UNC5A: variants seen among roughly 807,000 people sequenced by gnomAD.
UNC5A encodes the protein unc-5 netrin receptor A, also known as netrin receptor UNC5A.
A neutral mutation model predicts 87.4 loss-of-function variants in UNC5A; 20 were observed. The observed-to-expected ratio is 0.23, with a 90% CI of 0.16 to 0.33. The LOEUF is 0.33. Among genes scored for constraint, UNC5A ranks in the 10% least tolerant of loss-of-function variants. The pLI, the probability that UNC5A is intolerant of heterozygous loss-of-function variation, is 1.00. For synonymous variants in UNC5A, 438 were observed against 482.3 expected, an observed-to-expected ratio of 0.91 and a Z score of 1.20; for missense variants, 844 against 1,133.4, an observed-to-expected ratio of 0.74 and a Z score of 3.67.
chr5:176,834,432 G>C (rs569256479), intron 1 of UNC5A, among the ~76,000 whole-genome samples: 1 of 152,166 alleles, frequency 6.6e-6, no homozygotes, highest in Non-Finnish European at 1.5e-5. Flanking sequence ...GGCCCAGGAG[G>C]GGCCATTCAT....
In UNC5A at chr5:176,874,461, C is replaced by T. The variant is rs1387655639; in HGVS notation, c.1273C>T (p.Arg425Cys). The change falls in exon 8 of 15, where the codon CGC (arginine) becomes TGC (cysteine). Residue 425 changes from arginine to cysteine, a missense_variant. Arg to Cys is a radical substitution (Grantham distance 180). This residue lies in a region of UNC5A where 353 missense variants were observed against 387.5 expected (regional missense o/e 0.91). Transcript: ENST00000329542. The surrounding 1 kb of genome is among the most constrained non-coding windows in gnomAD (Gnocchi z 7.6). ...CTCTGAGGCCGAGGAGTTCGTCTCCCGCCTCTCCACCCAGAACTACTTCCG... is the reference window on the plus strand; with the variant it reads ...CTCTGAGGCCGAGGAGTTCGTCTCCTGCCTCTCCACCCAGAACTACTTCCG... ...PTSEAEEFVS[R>C]LSTQNYFRSL... The T allele has an allele frequency of 2.0e-5, 33 of 1,613,248 alleles. No individual in the cohort carries two copies. The highest frequency in any genetic ancestry group is 6.6e-5 in the South Asian group (6 of 90,948).
Position 176,875,263 on chromosome 5 carries a change from G to A in UNC5A, c.1378+697G>A, listed in dbSNP as rs1758234138. ...CCATCCTTAGCCTGCAGTTCTCCCG[G>A]GCGACAGAACTGTACACCCAGCTGC... On this transcript the variant is annotated intron_variant, in intron 8 of 14. Transcript: ENST00000329542. The surrounding 1 kb of genome is among the most constrained non-coding windows in gnomAD (Gnocchi z 5.2). Among the ~76,000 whole-genome samples the A allele has an allele frequency of 6.6e-6, 1 of 152,046 alleles. No homozygotes were observed. Among genetic ancestry groups the A allele is most frequent in the Non-Finnish European group, 1.5e-5 (1 of 68,020 alleles).
At chr5:176,862,303 C>T (rs987318551) in intron 1 of UNC5A, among the ~76,000 whole-genome samples, 1 of 152,196 alleles carries the variant, frequency 6.6e-6, no homozygotes, top group Admixed American at 6.5e-5. Flanking sequence ...CGGGCAGGGG[C>T]CTGCCTGGCC....
chr5:176,826,313 C>T (rs1352964437), intron 1 of UNC5A, among the ~76,000 whole-genome samples: 2 of 152,152 alleles, frequency 1.3e-5, no homozygotes, highest in East Asian at 1.9e-4. Context: ...TATCATGGAG[C>T]GGATCCTGAG....
rs755099198 is a variant in UNC5A at position 176,877,575 on chromosome 5, G to A, written c.1507G>A (p.Val503Ile). 23 of 1,610,784 alleles carry A rather than the reference G, an allele frequency of 1.4e-5. No homozygotes were observed. Among genetic ancestry groups the A allele is most frequent in the Admixed American group, 5.0e-5 (3 of 59,876 alleles). The change falls in exon 10 of 15, where the codon GTT (valine) becomes ATT (isoleucine). Residue 503 changes from valine (V) to isoleucine (I), a missense_variant. Coordinates refer to ENST00000329542, the MANE Select transcript of UNC5A (RefSeq NM_133369.3). Reference protein sequence around the residue: ...AGCQTLLSPIVSCGPPGVLLT... With the variant: ...AGCQTLLSPIISCGPPGVLLT... ...CTGTCAGACCCTGCTGAGTCCCATC[G>A]TTAGCTGTGGACCCCCTGGCGTCCT... is the stretch of plus-strand genomic sequence containing the variant.
intron 1 of UNC5A, among the ~76,000 whole-genome samples, chr5:176,837,895 A>T (rs1257506287): frequency 6.6e-6 from 1 of 151,840 alleles, no homozygotes; most frequent in East Asian, 1.9e-4. Context: ...CGGCTTCCTA[A>T]CCTCCGGACT....
At chr5:176,845,354 C>G (rs1003273618) in intron 1 of UNC5A, among the ~76,000 whole-genome samples, 17 of 152,222 alleles carry the variant, frequency 1.1e-4, no homozygotes, top group African/African-American at 4.1e-4. Flanking sequence ...TAATCCAGCC[C>G]GTGCTGCCAC....
At position 176,878,653 on chromosome 5, in the gene UNC5A, G is replaced by T. The variant is rs538485141; in HGVS notation, c.2184+14G>T. ...AACATCACCAAGGTGGACGGGAGGG[G>T]CTGCCGCACCGCCGTGACGTGCTCC... On this transcript the variant is annotated intron_variant, in intron 13 of 14. Transcript: ENST00000329542. The T allele has an allele frequency of 3.7e-6, 6 of 1,606,102 alleles. No homozygotes were observed. In the South Asian group the frequency reaches 5.5e-5, roughly 15 times the overall value.
chr5:176,819,252 A>T (rs1438335476), intron 1 of UNC5A, among the ~76,000 whole-genome samples: 2 of 152,188 alleles, frequency 1.3e-5, no homozygotes, highest in Non-Finnish European at 2.9e-5. Context: ...CAATTGTCAC[A>T]GCCTCCTCAG....
intron 1 of UNC5A, among the ~76,000 whole-genome samples, chr5:176,813,409 G>A (rs544022391): frequency 1.7e-4 from 26 of 152,330 alleles, no homozygotes; most frequent in South Asian, 1.4e-3. Context: ...CCTAGGACTC[G>A]TCTGTCCACC....
chr5:176,870,229 G>A, intron 5 of UNC5A, 141 bp from the exon 6 acceptor site: 1 of 1,035,394 alleles, frequency 9.7e-7, no homozygotes, highest in South Asian at 1.6e-5. Flanking sequence ...GTGCATCGTG[G>A]GCCTGGCCCT....
rs746986911 is a variant in UNC5A, at chr5:176,868,929, G to T, written c.686G>T (p.Arg229Leu). 2 of 1,611,562 alleles carry T rather than the reference G, an allele frequency of 1.2e-6. No homozygotes were observed. Residue 229 changes from arginine (R) to leucine (L), a missense_variant, in exon 5 of 15, where the codon CGT becomes CTT. This residue lies in a region of UNC5A where 314 missense variants were observed against 466.5 expected (regional missense o/e 0.67). Coordinates refer to ENST00000329542, the MANE Select transcript of UNC5A (RefSeq NM_133369.3). The part of the protein sequence containing the change: ...YTCVAKNIVA[R>L]RRSASAAVIV... The stretch of plus-strand genomic sequence containing the variant: ...TGCGTGGCCAAGAACATCGTGGCAC[G>T]TCGCCGCAGCGCCTCCGCTGCTGTC...
intron 1 of UNC5A, among the ~76,000 whole-genome samples, chr5:176,820,568 C>T (rs1756704034): frequency 6.6e-6 from 1 of 152,174 alleles, no homozygotes; most frequent in Non-Finnish European, 1.5e-5. Flanking sequence ...TCTAGTCCAT[C>T]CTTAATCTAC....
chr5:176,834,925 G>A (rs968927231), intron 1 of UNC5A, among the ~76,000 whole-genome samples: 10 of 152,208 alleles, frequency 6.6e-5, no homozygotes, highest in African/African-American at 2.4e-4. Flanking sequence ...GCTCCTGCAG[G>A]GACCAGCCTC....
chr5:176,813,283 C>T (rs1756513879), intron 1 of UNC5A, among the ~76,000 whole-genome samples: 1 of 152,212 alleles, frequency 6.6e-6, no homozygotes, highest in African/African-American at 2.4e-5. Flanking sequence ...GAGCTGGCTC[C>T]CTTGAAGATG....
intron 2 of UNC5A, among the ~76,000 whole-genome samples, chr5:176,867,033 A>C (rs1757990755): frequency 1.3e-5 from 2 of 152,014 alleles, no homozygotes; most frequent in African/African-American, 4.8e-5. Context: ...TAAGAGGGAA[A>C]CAGCCTCCCA....
Position 176,866,261 on chromosome 5 carries a change from G to C in UNC5A, c.293-1869G>C, listed in dbSNP as rs948196592. Reference sequence around the variant, plus strand: ...AGCCCCTCACATCAAAGATGGGGTAGGGCCGGGTCTGCAGCCCCCGCCTCA... The same window carrying C: ...AGCCCCTCACATCAAAGATGGGGTACGGCCGGGTCTGCAGCCCCCGCCTCA... On this transcript the variant is annotated intron_variant, in intron 2 of 14. Coordinates refer to ENST00000329542, the MANE Select transcript of UNC5A (RefSeq NM_133369.3). This position sits in a 1 kb window ranked among gnomAD's most constrained non-coding sequence, Gnocchi z 5.0. Among the ~76,000 whole-genome samples the C allele has an allele frequency of 6.6e-6, 1 of 152,218 alleles. No homozygotes were observed. The highest frequency in any genetic ancestry group is 1.9e-4 in the East Asian group (1 of 5,190).
rs973552142 is a variant in UNC5A at position 176,844,037 on chromosome 5, G to A, written c.71-18587G>A. ...GGCTAATTATAGGCACAGAGGAGAG[G>A]ATTATTTACAGAGACAGGAGGCAGG... On this transcript the variant is annotated intron_variant, in intron 1 of 14. Coordinates refer to ENST00000329542, the MANE Select transcript of UNC5A (RefSeq NM_133369.3). The surrounding 1 kb of genome is among the most constrained non-coding windows in gnomAD (Gnocchi z 4.2). 1.3e-5 allele frequency among the ~76,000 whole-genome samples: 2 copies of A among 152,264 alleles called. No individual in the cohort carries two copies. The highest frequency in any genetic ancestry group is 2.9e-5 in the Non-Finnish European group (2 of 68,040).
intron 1 of UNC5A, among the ~76,000 whole-genome samples, chr5:176,820,271 C>T (rs572738415): frequency 6.6e-6 from 1 of 152,278 alleles, no homozygotes; most frequent in South Asian, 2.1e-4. Flanking sequence ...GTGGCGGGCA[C>T]CTGTAGTCCC....
Sources: gnomAD v4.1 joint callset for allele counts (sites outside exome capture counted in the v4.1 genomes callset) on GRCh38, gnomAD v4.1.1 for gene constraint, gnomAD v4.1.1 regional missense constraint, Gnocchi (gnomAD v3.1) non-coding constraint, MANE v1.5 for transcripts, NCBI Gene and HGNC (gene_info 2026-07-23, HGNC 2026-07-21) for gene names.